RBFOX1: variants seen among roughly 807,000 people sequenced by gnomAD.
RBFOX1 encodes the protein RNA binding fox-1 homolog 1, also known as RNA binding protein fox-1 homolog 1.
Under a neutral mutation model 57.7 loss-of-function variants are expected in RBFOX1, and 8 were observed. The observed-to-expected ratio is 0.14, with a 90% CI of 0.08 to 0.25. The LOEUF (loss-of-function observed/expected upper bound fraction) is 0.25. Among genes scored for constraint, RBFOX1 ranks in the 10% least tolerant of loss-of-function variants. The probability of loss-of-function intolerance (pLI) is 1.00; values close to 1 mark genes in which losing one functional copy is unlikely to be tolerated. For synonymous variants in RBFOX1, 326 were observed against 222.4 expected, an observed-to-expected ratio of 1.47 and a Z score of -4.15; for missense variants, 611 against 548.5, an observed-to-expected ratio of 1.11 and a Z score of -1.14.
Position 5,947,034 on chromosome 16 carries a change from A to G in RBFOX1, c.351+79699A>G, listed in dbSNP as rs527496754. Among the ~76,000 whole-genome samples the G allele has an allele frequency of 6.6e-6, 1 of 152,272 alleles. No homozygotes were observed. Among genetic ancestry groups the G allele is most frequent in the East Asian group, 1.9e-4 (1 of 5,170 alleles). ...TGAGACCAGCTCTAGCAATATAGTGACACCCCATCTGTACAAAATAAAGTG... is the reference window on the plus strand; with the variant it reads ...TGAGACCAGCTCTAGCAATATAGTGGCACCCCATCTGTACAAAATAAAGTG... On this transcript the variant is annotated intron_variant, in intron 4 of 19. Transcript: ENST00000641259. This position sits in a 1 kb window ranked among gnomAD's most constrained non-coding sequence, Gnocchi z 7.2.
intron 2 of RBFOX1, among the ~76,000 whole-genome samples, chr16:6,371,625 G>T (rs1458995253): frequency 6.6e-6 from 1 of 152,060 alleles, no homozygotes; most frequent in African/African-American, 2.4e-5. Context: ...GAGCCAGGAG[G>T]CCATTTTTCC....
chr16:5,916,597 C>CT (rs1371345366), intron 4 of RBFOX1, among the ~76,000 whole-genome samples: 2 of 152,058 alleles, frequency 1.3e-5, no homozygotes, highest in Non-Finnish European at 2.9e-5. Flanking sequence ...TGCTTCCCAG[C>CT]TTTGGAACTA....
intron 4 of RBFOX1, among the ~76,000 whole-genome samples, chr16:7,384,860 A>G (rs190987089): frequency 6.6e-6 from 1 of 152,350 alleles, no homozygotes; most frequent in African/African-American, 2.4e-5. Flanking sequence ...AAAGGAGGCA[A>G]ACAATAAATA....
chr16:7,363,371 A>G (rs2146803052), intron 4 of RBFOX1, among the ~76,000 whole-genome samples: 1 of 152,308 alleles, frequency 6.6e-6, no homozygotes, highest in African/African-American at 2.4e-5. Flanking sequence ...CCAAGGGGGT[A>G]AAACAAAGCC....
At chr16:5,282,766 G>C (rs746067478) in intron 1 of RBFOX1, among the ~76,000 whole-genome samples, 11 of 152,320 alleles carry the variant, frequency 7.2e-5, no homozygotes, top group Non-Finnish European at 1.0e-4. Context: ...AAGGGAAGCA[G>C]AGCATAAAAG....
intron 4 of RBFOX1, among the ~76,000 whole-genome samples, chr16:7,174,285 G>T (rs1341158833): frequency 6.6e-6 from 1 of 152,034 alleles, no homozygotes; most frequent in South Asian, 2.1e-4. Context: ...TCCATGGTAT[G>T]GATGGACCAC....
intron 2 of RBFOX1, among the ~76,000 whole-genome samples, chr16:6,602,203 A>G (rs1326266742): frequency 1.3e-5 from 2 of 151,920 alleles, no homozygotes; most frequent in Non-Finnish European, 2.9e-5. Context: ...GGAGTTCTTT[A>G]TACATTCTCG....
intron 4 of RBFOX1, among the ~76,000 whole-genome samples, chr16:5,951,961 G>C (rs1400569960): frequency 2.6e-5 from 4 of 151,636 alleles, no homozygotes; most frequent in Non-Finnish European, 4.4e-5. Flanking sequence ...CTGGTTATCA[G>C]AGGTGGAGAT....
chr16:7,197,998 C>CTGTTTTTTTTTTTTTTTTTTTTTTTTT (rs1555557962), intron 4 of RBFOX1, among the ~76,000 whole-genome samples: 1 of 55,592 alleles, frequency 1.8e-5, no homozygotes, highest in Admixed American at 2.7e-4. Flanking sequence ...TTCTTTCTTT[C>CTGTTTTTTTTTTTTTTTTTTTTTTTTT]TTTTTTTTTT....
At chr16:7,399,444 T>C (rs1346717611) in intron 4 of RBFOX1, among the ~76,000 whole-genome samples, 1 of 152,020 alleles carries the variant, frequency 6.6e-6, no homozygotes, top group Non-Finnish European at 1.5e-5. Context: ...CAGAACTCTG[T>C]CTCAAATAAA....
intron 2 of RBFOX1, among the ~76,000 whole-genome samples, chr16:6,480,243 G>C (rs548325236): frequency 1.3e-5 from 2 of 152,260 alleles, no homozygotes; most frequent in South Asian, 2.1e-4. Flanking sequence ...ATAACATATA[G>C]AGTATATATA....
chr16:5,283,733 C>T (rs1239801837), intron 1 of RBFOX1, among the ~76,000 whole-genome samples: 2 of 152,210 alleles, frequency 1.3e-5, no homozygotes, highest in African/African-American at 2.4e-5. Context: ...CCTATACCCC[C>T]ATTGTATCTA....
At chr16:6,407,569 C>CAGAGAGAGAGAGAGAG (rs71145224) in intron 2 of RBFOX1, among the ~76,000 whole-genome samples, 2 of 25,914 alleles carry the variant, frequency 7.7e-5, no homozygotes, top group South Asian at 2.2e-3. Flanking sequence ...GTGTGTGTGA[C>CAGAGAGAGAGAGAGAG]AGAGAGAGAG....
chr16:7,140,261 A>C (rs1255183110), intron 4 of RBFOX1, among the ~76,000 whole-genome samples: 1 of 62,990 alleles, frequency 1.6e-5, no homozygotes, highest in South Asian at 5.0e-4. Context: ...TTTTTTTTTA[A>C]ATGGCTTTTT....
chr16:7,648,503 G>A (rs576299693), intron 11 of RBFOX1, among the ~76,000 whole-genome samples: 2 of 152,320 alleles, frequency 1.3e-5, no homozygotes, highest in South Asian at 4.1e-4. Context: ...GATTACAGGT[G>A]TGAGACACTG....
At position 6,460,319 on chromosome 16, in the gene RBFOX1, A is replaced by G. The variant is rs909515860; in HGVS notation, c.-64+143262A>G. Among the ~76,000 whole-genome samples, 9 of 152,206 alleles carry G rather than the reference A, an allele frequency of 5.9e-5. No homozygotes were observed. In the South Asian group the frequency reaches 1.9e-3, roughly 32 times the overall value. The stretch of plus-strand genomic sequence containing the variant: ...GAACACTGGTCATAGTGGACAACCT[A>G]TAGGATGAGAGAAAATTTTTGCAAT... On this transcript the variant is annotated intron_variant, in intron 2 of 15. Coordinates refer to ENST00000550418, the MANE Select transcript of RBFOX1 (RefSeq NM_018723.4).
chr16:6,649,901 CTACT>C (rs1370650787), intron 2 of RBFOX1, among the ~76,000 whole-genome samples: 3 of 152,000 alleles, frequency 2.0e-5, no homozygotes, highest in Non-Finnish European at 4.4e-5. Context: ...TTTCTTTTAT[CTACT>C]TGTGGATTGG....
intron 5 of RBFOX1, among the ~76,000 whole-genome samples, chr16:7,526,193 T>C (rs1416694863): frequency 2.0e-5 from 3 of 152,194 alleles, no homozygotes; most frequent in Non-Finnish European, 4.4e-5. Context: ...AACCATTTCA[T>C]CCTGAAACCA....
At chr16:5,462,701 A>G (rs892229117) in intron 1 of RBFOX1, among the ~76,000 whole-genome samples, 2 of 152,190 alleles carry the variant, frequency 1.3e-5, no homozygotes, top group African/African-American at 4.8e-5. Flanking sequence ...CGCACCTGTT[A>G]GGAAAGAAGG....
Sources: gnomAD v4.1 joint callset for allele counts (sites outside exome capture counted in the v4.1 genomes callset) on GRCh38, gnomAD v4.1.1 for gene constraint, Gnocchi (gnomAD v3.1) non-coding constraint, MANE v1.5 for transcripts, NCBI Gene and HGNC (gene_info 2026-07-23, HGNC 2026-07-21) for gene names.